KLF12: variants seen among roughly 807,000 people sequenced by gnomAD.
KLF12 encodes the protein KLF transcription factor 12, also known as Krueppel-like factor 12.
In KLF12, 9 loss-of-function variants were observed where a neutral mutation model predicts 37.8. That is an observed-to-expected ratio of 0.24 (90% CI 0.14 to 0.42). The LOEUF is 0.42. Ranked by LOEUF, KLF12 falls within the 10% of genes least tolerant of loss-of-function variation. The probability of loss-of-function intolerance (pLI) is 1.00; values close to 1 mark genes in which losing one functional copy is unlikely to be tolerated. For missense variants in KLF12, 411 were observed against 516.0 expected, an observed-to-expected ratio of 0.80 and a Z score of 1.97; for synonymous variants, 208 against 202.1, an observed-to-expected ratio of 1.03 and a Z score of -0.25.
At chr13:74,144,782 G>A in the KLF12 span, among the ~76,000 whole-genome samples, 6 of 151,952 alleles carry the variant, frequency 3.9e-5, no homozygotes, top group East Asian at 1.9e-4. Flanking sequence ...TTGAAATATC[G>A]TCTTGTTTAC....
In KLF12 at chr13:73,805,642, G is replaced by C. The variant is rs186843354; in HGVS notation, c.806+7510C>G. 2.1e-3 allele frequency among the ~76,000 whole-genome samples: 81 copies of C among 39,376 alleles called. 1 individual carries two copies. The highest frequency in any genetic ancestry group is 3.1e-3 in the Non-Finnish European group (69 of 22,286). The allele number at this position is 39,376 out of a possible 152,430, so 25.8% of individuals were successfully genotyped here. A position where few individuals can be genotyped will look rare whatever the true frequency, so the allele number is the denominator to read the frequency against. On this transcript the variant is annotated intron_variant, in intron 5 of 7. Transcript: ENST00000377669. ...GGAGGGAGGGAGGGAGGGAGGGAGG[G>C]AGGGAGGGAGGAAGGAAGGAAGGAA...
intron 3 of KLF12, among the ~76,000 whole-genome samples, chr13:73,879,476 A>G (rs1185118451): frequency 1.3e-5 from 2 of 152,250 alleles, no homozygotes; most frequent in Non-Finnish European, 2.9e-5. Flanking sequence ...TGCTTTATAT[A>G]ACTCTAAGAA....
intron 3 of KLF12, among the ~76,000 whole-genome samples, chr13:73,888,105 C>T (rs1392252010): frequency 6.6e-6 from 1 of 151,932 alleles, no homozygotes; most frequent in Non-Finnish European, 1.5e-5. Flanking sequence ...TAGACTCAAG[C>T]GATCCTCCCA....
At chr13:73,838,697 A>G (rs1884571407) in intron 4 of KLF12, among the ~76,000 whole-genome samples, 1 of 152,214 alleles carries the variant, frequency 6.6e-6, no homozygotes, top group Non-Finnish European at 1.5e-5. Flanking sequence ...TTTGCATGAA[A>G]GAAAATGTGG....
chr13:73,971,742 C>A (rs879563588), intron 2 of KLF12, among the ~76,000 whole-genome samples: 4 of 152,118 alleles, frequency 2.6e-5, no homozygotes, highest in Non-Finnish European at 4.4e-5. Flanking sequence ...ATAAACAGAG[C>A]TAACAGGCTC....
chr13:73,726,418 C>A (rs946370271), intron 6 of KLF12, among the ~76,000 whole-genome samples: 1 of 152,092 alleles, frequency 6.6e-6, no homozygotes, highest in Non-Finnish European at 1.5e-5. Context: ...CAAAAGAAAA[C>A]CCCATACTCA....
intron 6 of KLF12, among the ~76,000 whole-genome samples, chr13:73,756,742 T>C (rs1310150205): frequency 6.6e-6 from 1 of 152,128 alleles, no homozygotes; most frequent in East Asian, 1.9e-4. Flanking sequence ...TGTAGGATTG[T>C]AACCAAGGGC....
the KLF12 span, among the ~76,000 whole-genome samples, chr13:74,204,684 C>T: frequency 1.3e-5 from 2 of 152,056 alleles, no homozygotes; most frequent in South Asian, 4.1e-4. Flanking sequence ...GATCTAAAAA[C>T]ATGTTGAAGA....
chr13:74,044,513 G>A (rs773722192), intron 1 of KLF12, among the ~76,000 whole-genome samples: 6 of 152,082 alleles, frequency 3.9e-5, no homozygotes, highest in Admixed American at 6.6e-5. Context: ...CATACAATAA[G>A]GGAGATATGT....
chr13:73,803,786 A>T (rs897812419), intron 5 of KLF12, among the ~76,000 whole-genome samples: 149 of 147,680 alleles, frequency 1.0e-3, no homozygotes, highest in African/African-American at 3.3e-3. Flanking sequence ...ACACACACAC[A>T]CACACACACA....
At chr13:74,118,124 A>G (rs1018292556) in intron 1 of KLF12, among the ~76,000 whole-genome samples, 1 of 152,158 alleles carries the variant, frequency 6.6e-6, no homozygotes, top group South Asian at 2.1e-4. Flanking sequence ...TGCTAGACAA[A>G]TATATTAAAG....
chr13:74,011,947 G>C (rs1207065011), intron 1 of KLF12, among the ~76,000 whole-genome samples: 1 of 152,084 alleles, frequency 6.6e-6, no homozygotes, highest in Non-Finnish European at 1.5e-5. Context: ...TGTTTCTATT[G>C]AACAGTACTG....
intron 1 of KLF12, among the ~76,000 whole-genome samples, chr13:74,036,824 CA>C (rs1184448435): frequency 6.6e-6 from 1 of 152,188 alleles, no homozygotes; most frequent in African/African-American, 2.4e-5. Context: ...TTTATGCCAA[CA>C]AGACAGCTCT....
intron 1 of KLF12, among the ~76,000 whole-genome samples, chr13:74,128,869 C>A (rs1442119797): frequency 6.6e-6 from 1 of 151,658 alleles, no homozygotes; most frequent in Non-Finnish European, 1.5e-5. Context: ...CTGTATTTCT[C>A]GGTCATGAAA....
intron 5 of KLF12, among the ~76,000 whole-genome samples, chr13:73,803,461 A>T (rs1379551429): frequency 6.6e-6 from 1 of 152,124 alleles, no homozygotes; most frequent in African/African-American, 2.4e-5. Context: ...CACATGAAAT[A>T]GTAAACCCTG....
At chr13:74,263,535 T>C in the KLF12 span, among the ~76,000 whole-genome samples, 1 of 152,288 alleles carries the variant, frequency 6.6e-6, no homozygotes, top group East Asian at 1.9e-4. Flanking sequence ...ATTTATCTGT[T>C]TATAGCCTCC....
At chr13:73,852,491 A>G (rs572393918) in intron 3 of KLF12, among the ~76,000 whole-genome samples, 39 of 152,278 alleles carry the variant, frequency 2.6e-4, no homozygotes, top group African/African-American at 9.1e-4. Context: ...TTAAGAAATG[A>G]TTGATTCCGG....
chr13:73,915,592 A>G (rs867857243), intron 3 of KLF12, among the ~76,000 whole-genome samples: 16 of 150,774 alleles, frequency 1.1e-4, no homozygotes, highest in African/African-American at 2.9e-4. Context: ...GGCTCACTGC[A>G]AGCTCCACCT....
chr13:73,704,693 G>T (rs759547392), intron 7 of KLF12, among the ~76,000 whole-genome samples: 18 of 152,140 alleles, frequency 1.2e-4, no homozygotes, highest in Non-Finnish European at 2.1e-4. Context: ...GCCACTTGTT[G>T]GCCCCATAGT....
Sources: allele counts gnomAD v4.1 joint callset (sites outside exome capture counted in the v4.1 genomes callset), GRCh38; gene constraint gnomAD v4.1.1; transcripts MANE v1.5; gene names NCBI Gene and HGNC (gene_info 2026-07-23, HGNC 2026-07-21).